LAT2: variants seen among roughly 807,000 people sequenced by gnomAD.
LAT2 encodes the protein linker for activation of T cells family member 2.
Under a neutral mutation model 43.4 loss-of-function variants are expected in LAT2, and 23 were observed. That is an observed-to-expected ratio of 0.53 (90% CI 0.38 to 0.75). The LOEUF (loss-of-function observed/expected upper bound fraction) is 0.75. Ranked by LOEUF, LAT2 falls within the 30% of genes least tolerant of loss-of-function variation. The pLI, the probability that LAT2 is intolerant of heterozygous loss-of-function variation, is 0.00. For synonymous variants in LAT2, 128 were observed against 123.2 expected (o/e 1.04, Z -0.26); for missense variants, 284 against 310.2 (o/e 0.92, Z 0.64).
intron 3 of LAT2, 59 bp from the exon 4 acceptor site, chr7:74,216,766 T>G: frequency 1.3e-6 from 2 of 1,489,268 alleles, no homozygotes; most frequent in Non-Finnish European, 1.9e-6. Context: ...GCGGGGGGTG[T>G]CTGACCTCAG....
chr7:74,227,748 G>A (rs889618593), intron 13 of LAT2, among the ~76,000 whole-genome samples: 1 of 152,024 alleles, frequency 6.6e-6, no homozygotes, highest in Non-Finnish European at 1.5e-5. Context: ...TGGCGCATAC[G>A]TGTAGTCCCA....
rs1332398611 is a variant in LAT2 at position 74,220,238 on chromosome 7, C to T, written c.249C>T (p.Phe83=). 3 of 1,611,450 alleles carry T rather than the reference C, an allele frequency of 1.9e-6. No homozygotes were observed. The highest frequency in any genetic ancestry group is 2.5e-6 in the Non-Finnish European group (3 of 1,178,500). ...GCAGGAAGGACAAGCTGTTGCAATT[C>T]TACCCCAGCCTGGAGGGTGAGTGGC... is the stretch of plus-strand genomic sequence containing the variant. ...APTRKDKLLQ[F]YPSLEDPASS... is the part of the protein sequence containing the mutation. Residue 83 remains phenylalanine (F), a synonymous_variant, in exon 7 of 14, where the codon TTC becomes TTT. Transcript: ENST00000460943. This position sits in a 1 kb window ranked among gnomAD's most constrained non-coding sequence, Gnocchi z 4.5.
intron 10 of LAT2, among the ~76,000 whole-genome samples, chr7:74,222,550 G>T (rs1802328732): frequency 1.3e-5 from 2 of 151,856 alleles, no homozygotes; most frequent in Admixed American, 1.3e-4. Flanking sequence ...GTGTTGGGGG[G>T]TCCTCTTCTG....
chr7:74,219,083 G>T lies in LAT2; in HGVS notation c.135-661G>T, dbSNP rs539066264. Among the ~76,000 whole-genome samples the T allele has an allele frequency of 8.1e-5, 10 of 122,954 alleles. 1 individual carries two copies. The highest frequency in any genetic ancestry group is 8.0e-4 in the South Asian group (3 of 3,752). 80.7% of individuals were successfully genotyped at this position (122,954 alleles called of 152,430 possible). On this transcript the variant is annotated intron_variant, in intron 4 of 13. Transcript: ENST00000460943. The stretch of plus-strand genomic sequence containing the variant: ...CTCGCTCTGTCGCCCAGGCCAGACT[G>T]CGGACTGCAGTGGTGCAATCTCGGC...
chr7:74,217,735 C>A (rs1476749510), intron 4 of LAT2, among the ~76,000 whole-genome samples: 2 of 152,186 alleles, frequency 1.3e-5, no homozygotes, highest in African/African-American at 4.8e-5. Flanking sequence ...AACCCAGGCA[C>A]ATGGGCAGTG....
At chr7:74,216,127 G>T (rs953859398) in intron 3 of LAT2, 58 bp downstream of exon 3, 5 of 1,384,942 alleles carry the variant, frequency 3.6e-6, no homozygotes, top group Admixed American at 2.0e-5. Flanking sequence ...CATCTCAGAG[G>T]CCCTCTCAGG....
At chr7:74,224,895 G>GTGCTCCAAGAGGGCA in intron 13 of LAT2, 135 bp downstream of exon 13, 1 of 639,808 alleles carries the variant, frequency 1.6e-6, no homozygotes. Context: ...GCACCCATGG[G>GTGCTCCAAGAGGGCA]TGCTCCAAGA....
At chr7:74,219,077 C>CAGACTGCGGACTG (rs1428932553) in intron 4 of LAT2, among the ~76,000 whole-genome samples, 101 of 131,704 alleles carry the variant, frequency 7.7e-4, no homozygotes, top group African/African-American at 2.3e-3. Context: ...TCGCCCAGGC[C>CAGACTGCGGACTG]AGACTGCGGA....
At chr7:74,221,729 G>A (rs1554715320) in intron 10 of LAT2, 37 bp downstream of exon 10, 2 of 1,588,432 alleles carry the variant, frequency 1.3e-6, no homozygotes, top group Admixed American at 1.7e-5. Context: ...GGAGGAAGTG[G>A]TGTGGGAGCT....
At chr7:74,219,041 T>C in intron 4 of LAT2, among the ~76,000 whole-genome samples, 1 of 92,956 alleles carries the variant, frequency 1.1e-5, no homozygotes, top group Non-Finnish European at 2.1e-5. Context: ...TTTTTTTTTT[T>C]TTTTTTGAGA....
At position 74,220,332 on chromosome 7, in the gene LAT2, C is replaced by G; in HGVS notation, c.265+78C>G. ...ACAGGCGAAAACCCCATGGGACAGG[C>G]GTCGTGCAGTGGGGGCTGCGGGGCC... On this transcript the variant is annotated intron_variant, in intron 7 of 13. Transcript: ENST00000460943. The surrounding 1 kb of genome is among the most constrained non-coding windows in gnomAD (Gnocchi z 4.5). The G allele has an allele frequency of 6.7e-7, 1 of 1,498,180 alleles. No homozygotes were observed. Among genetic ancestry groups the G allele is most frequent in the Middle Eastern group, 1.8e-4 (1 of 5,448 alleles). The allele number at this position is 1,498,180 out of a possible 1,614,324, so 92.8% of individuals were successfully genotyped here. A position where few individuals can be genotyped will look rare whatever the true frequency, so the allele number is the denominator to read the frequency against.
chr7:74,221,668 G>A lies in LAT2; in HGVS notation c.364G>A (p.Gly122Arg), dbSNP rs1377556242. ...CATTGCCATGGAGTATTACAACTGG[G>A]GGCGGTTCTCGAAGCCCCCAGAAGG... The part of the protein sequence containing the change: ...DPIAMEYYNW[G>R]RFSKPPEDDD... Residue 122 changes from glycine to arginine, a missense_variant, in exon 10 of 14, where the codon GGG becomes AGG. Coordinates refer to ENST00000460943, the MANE Select transcript of LAT2 (RefSeq NM_032464.3). 3 of 1,613,112 alleles carry A rather than the reference G, an allele frequency of 1.9e-6. No homozygotes were observed. The highest frequency in any genetic ancestry group is 2.7e-5 in the African/African-American group (2 of 74,836).
intron 5 of LAT2, 64 bp downstream of exon 5, chr7:74,219,851 G>T: frequency 6.2e-7 from 1 of 1,612,158 alleles, no homozygotes; most frequent in Non-Finnish European, 8.5e-7. Flanking sequence ...AGTTATCTCG[G>T]TCCCCATTGA....
rs372490464 is a variant in LAT2, at chr7:74,214,377, A to AAT, written c.-218-435_-218-434dup. ...ATATATATAAATATATATATATGAA[A>AAT]ATATATATATAAATATATATATATG... On this transcript the variant is annotated intron_variant, in intron 1 of 13. Coordinates refer to ENST00000460943, the MANE Select transcript of LAT2 (RefSeq NM_032464.3). Among the ~76,000 whole-genome samples the AAT allele has an allele frequency of 9.2e-5, 4 of 43,424 alleles. 1 individual carries two copies. The highest frequency in any genetic ancestry group is 1.7e-4 in the African/African-American group (2 of 11,542). The allele number at this position is 43,424 out of a possible 152,430, so 28.5% of individuals were successfully genotyped here. A position where few individuals can be genotyped will look rare whatever the true frequency, so the allele number is the denominator to read the frequency against.
At chr7:74,216,193 C>T in intron 3 of LAT2, 124 bp downstream of exon 3, 2 of 760,224 alleles carry the variant, frequency 2.6e-6, no homozygotes, top group Non-Finnish European at 4.2e-6. Flanking sequence ...GATGTGACCC[C>T]TGACCCCTAA....
chr7:74,223,393 G>A (rs1195406513), intron 10 of LAT2, among the ~76,000 whole-genome samples: 7 of 152,198 alleles, frequency 4.6e-5, no homozygotes, highest in African/African-American at 7.2e-5. Context: ...AGGAGGCTGC[G>A]GGGTAGGAAG....
intron 12 of LAT2, 78 bp downstream of exon 12, chr7:74,224,275 G>A: frequency 6.8e-7 from 1 of 1,479,438 alleles, no homozygotes; most frequent in African/African-American, 1.4e-5. Context: ...CAGGCTGAAA[G>A]TGGGCTTCCC....
chr7:74,229,060 C>G lies in LAT2; in HGVS notation c.*135C>G, dbSNP rs1173553061. 1 of 152,316 alleles carries G rather than the reference C, an allele frequency of 6.6e-6. No homozygotes were observed. The highest frequency in any genetic ancestry group is 1.5e-5 in the Non-Finnish European group (1 of 68,142). 9.4% of individuals were successfully genotyped at this position (152,316 alleles called of 1,614,324 possible). ...CCATGGTTGCTCCTGGAAGGAGAAC[C>G]AGCCACCCTGAGGACCACCTGGCCA... On this transcript the variant is annotated 3_prime_UTR_variant, in exon 14 of 14. Coordinates refer to ENST00000460943, the MANE Select transcript of LAT2 (RefSeq NM_032464.3).
chr7:74,212,645 C>T (rs1299267715), intron 1 of LAT2, among the ~76,000 whole-genome samples: 3 of 152,108 alleles, frequency 2.0e-5, no homozygotes, highest in African/African-American at 7.2e-5. Context: ...GTCCCATGAG[C>T]CCTCCTGCAA....
Sources: allele counts gnomAD v4.1 joint callset (sites outside exome capture counted in the v4.1 genomes callset), GRCh38; gene constraint gnomAD v4.1.1; non-coding constraint Gnocchi (gnomAD v3.1); transcripts MANE v1.5; gene names NCBI Gene and HGNC (gene_info 2026-07-23, HGNC 2026-07-21).